PLXDC2: variants seen among roughly 807,000 people sequenced by gnomAD.
PLXDC2 encodes the protein plexin domain containing 2, also known as plexin domain-containing protein 2.
A neutral mutation model predicts 68.9 loss-of-function variants in PLXDC2; 40 were observed. The ratio of observed to expected loss-of-function variants is 0.58; its 90% CI spans 0.45 to 0.76. The LOEUF (loss-of-function observed/expected upper bound fraction) is 0.76, where lower values mean the gene tolerates loss of function less well. Ranked by LOEUF, PLXDC2 falls within the 30% of genes least tolerant of loss-of-function variation. The pLI, the probability that PLXDC2 is intolerant of heterozygous loss-of-function variation, is 0.00. For missense variants in PLXDC2, 644 were observed against 661.9 expected (o/e 0.97, Z 0.30); for synonymous variants, 243 against 234.2 (o/e 1.04, Z -0.34).
At chr10:20,237,278 G>T (rs910519004) in intron 12 of PLXDC2, among the ~76,000 whole-genome samples, 2 of 151,946 alleles carry the variant, frequency 1.3e-5, no homozygotes, top group African/African-American at 2.4e-5. Flanking sequence ...TGTGAATTAG[G>T]TACACCTTGT....
At chr10:20,260,177 A>G (rs1393045374) in intron 13 of PLXDC2, among the ~76,000 whole-genome samples, 1 of 152,180 alleles carries the variant, frequency 6.6e-6, no homozygotes, top group Non-Finnish European at 1.5e-5. Flanking sequence ...ATCACCTTCT[A>G]TAGATATCAT....
chr10:19,998,397 C>T (rs1834875792), intron 1 of PLXDC2, among the ~76,000 whole-genome samples: 1 of 152,140 alleles, frequency 6.6e-6, no homozygotes, highest in South Asian at 2.1e-4. Context: ...GGATCAAAAT[C>T]TAACTCAGTT....
In PLXDC2 at chr10:20,223,374, G is replaced by A. The variant is rs148377256; in HGVS notation, c.1312+4272G>A. On this transcript the variant is annotated intron_variant, in intron 12 of 13. Coordinates refer to ENST00000377252, the MANE Select transcript of PLXDC2 (RefSeq NM_032812.9). Reference sequence around the variant, plus strand: ...GTCCCCCCGGCTGGAGTGCAGTGACGCGAACTTGGCTCACTGCAGCCTCTG... The same window carrying A: ...GTCCCCCCGGCTGGAGTGCAGTGACACGAACTTGGCTCACTGCAGCCTCTG... Among the ~76,000 whole-genome samples the A allele has an allele frequency of 5.9e-3, 864 of 145,868 alleles. 11 individuals carry two copies. The highest frequency in any genetic ancestry group is 0.026 in the East Asian group (129 of 4,946).
chr10:20,262,268 A>G (rs1835817279), intron 13 of PLXDC2, among the ~76,000 whole-genome samples: 2 of 152,284 alleles, frequency 1.3e-5, no homozygotes, highest in South Asian at 4.1e-4. Flanking sequence ...CCAGAGCTAT[A>G]AGGAGTCTCG....
intron 4 of PLXDC2, among the ~76,000 whole-genome samples, chr10:20,089,658 T>C (rs1833250347): frequency 6.6e-6 from 1 of 152,200 alleles, no homozygotes; most frequent in African/African-American, 2.4e-5. Flanking sequence ...AACAGGGTCC[T>C]GGCCATAATT....
chr10:19,870,375 G>A (rs192567013), intron 1 of PLXDC2, among the ~76,000 whole-genome samples: 9 of 152,134 alleles, frequency 5.9e-5, no homozygotes, highest in Admixed American at 2.6e-4. Context: ...TGCTTTTATC[G>A]TTTCCAGGCA....
chr10:20,087,964 G>C (rs114230765), intron 4 of PLXDC2, among the ~76,000 whole-genome samples: 2,436 of 152,242 alleles, frequency 0.016, 62 homozygotes, highest in African/African-American at 0.055. Flanking sequence ...GCCTTAACTT[G>C]AACGCTAATG....
intron 1 of PLXDC2, among the ~76,000 whole-genome samples, chr10:19,900,255 A>C (rs1161976501): frequency 6.6e-6 from 1 of 152,200 alleles, no homozygotes; most frequent in African/African-American, 2.4e-5. Context: ...CAGAAGATCA[A>C]GGAGGGCCTG....
At chr10:20,154,467 G>A (rs558028165) in intron 6 of PLXDC2, among the ~76,000 whole-genome samples, 1 of 151,800 alleles carries the variant, frequency 6.6e-6, no homozygotes, top group East Asian at 1.9e-4. Flanking sequence ...AGGAGGCTGA[G>A]GCAGGAGAAT....
At chr10:20,257,408 T>C (rs2681951) in intron 13 of PLXDC2, among the ~76,000 whole-genome samples, 70,307 of 152,076 alleles carry the variant, frequency 0.46, 17,796 homozygotes, top group Middle Eastern at 0.63. Flanking sequence ...TTACAGTTAA[T>C]GGAGGAAACT....
chr10:20,234,771 G>T (rs574127097), intron 12 of PLXDC2, among the ~76,000 whole-genome samples: 1 of 149,792 alleles, frequency 6.7e-6, no homozygotes, highest in African/African-American at 2.5e-5. Flanking sequence ...GCTATAATGC[G>T]CATCAAACCA....
chr10:19,886,147 T>G (rs1173536254), intron 1 of PLXDC2, among the ~76,000 whole-genome samples: 6 of 152,208 alleles, frequency 3.9e-5, no homozygotes. Context: ...ATGATTTGGC[T>G]CTCTGTGTGT....
At chr10:19,885,568 A>G (rs1441412951) in intron 1 of PLXDC2, among the ~76,000 whole-genome samples, 1 of 152,060 alleles carries the variant, frequency 6.6e-6, no homozygotes, top group Non-Finnish European at 1.5e-5. Context: ...AGCTTTCTAC[A>G]TATGGCTAGC....
intron 4 of PLXDC2, among the ~76,000 whole-genome samples, chr10:20,119,179 G>GTGA (rs1833661531): frequency 1.3e-5 from 2 of 152,094 alleles, no homozygotes; most frequent in South Asian, 4.1e-4. Context: ...AAGGGAAAGG[G>GTGA]TGATGCATTC....
chr10:20,092,974 A>G (rs1387813066), intron 4 of PLXDC2, among the ~76,000 whole-genome samples: 2 of 152,166 alleles, frequency 1.3e-5, no homozygotes, highest in African/African-American at 2.4e-5. Flanking sequence ...ATTTCAACCC[A>G]GTGATACAGA....
At chr10:20,232,158 A>C (rs757209871) in intron 12 of PLXDC2, among the ~76,000 whole-genome samples, 1 of 152,318 alleles carries the variant, frequency 6.6e-6, no homozygotes. Flanking sequence ...GTAACAATAA[A>C]CCAAAACATG....
At chr10:20,199,356 C>G (rs955370948) in intron 9 of PLXDC2, among the ~76,000 whole-genome samples, 1 of 151,710 alleles carries the variant, frequency 6.6e-6, no homozygotes, top group African/African-American at 2.4e-5. Flanking sequence ...ACAAAAAAGG[C>G]AAGGATGTGA....
intron 6 of PLXDC2, among the ~76,000 whole-genome samples, chr10:20,155,708 G>A (rs1834207738): frequency 6.6e-6 from 1 of 152,034 alleles, no homozygotes; most frequent in East Asian, 1.9e-4. Context: ...CTCACATATA[G>A]AAGTGCCTGA....
intron 1 of PLXDC2, among the ~76,000 whole-genome samples, chr10:19,887,705 G>T (rs1837875064): frequency 6.6e-6 from 1 of 152,174 alleles, no homozygotes; most frequent in Admixed American, 6.5e-5. Context: ...AACAGAGAAT[G>T]AAATAATAGA....
Sources: allele counts gnomAD v4.1 joint callset (sites outside exome capture counted in the v4.1 genomes callset), GRCh38; gene constraint gnomAD v4.1.1; transcripts MANE v1.5; gene names NCBI Gene and HGNC (gene_info 2026-07-23, HGNC 2026-07-21).